Variants in RBM25 observed in about 807,000 individuals in gnomAD.
RBM25 encodes the protein RNA binding motif protein 25, also known as RNA-binding protein 25.
RBM25 carries 19 observed loss-of-function variants against 120.7 expected under a neutral mutation model. That is an observed-to-expected ratio of 0.16 (90% CI 0.11 to 0.23). The LOEUF is 0.23. RBM25 is among the 10% of genes least tolerant of loss of function. The pLI is 1.00. For missense variants in RBM25, 605 were observed against 1,041.5 expected, an observed-to-expected ratio of 0.58 and a Z score of 5.77; for synonymous variants, 390 against 326.7, an observed-to-expected ratio of 1.19 and a Z score of -2.09.
chr14:73,088,944 C>T (rs139547597), intron 6 of RBM25, among the ~76,000 whole-genome samples: 3,452 of 152,232 alleles, frequency 0.023, 135 homozygotes, highest in African/African-American at 0.076. Flanking sequence ...AGTTCGAGAC[C>T]AGCCTGGCCA....
At chr14:73,075,700 C>T (rs1435192857) in intron 2 of RBM25, among the ~76,000 whole-genome samples, 2 of 152,080 alleles carry the variant, frequency 1.3e-5, no homozygotes, top group African/African-American at 4.8e-5. Flanking sequence ...GTTGTGAGAA[C>T]ACCCTAGATT....
intron 14 of RBM25, among the ~76,000 whole-genome samples, chr14:73,109,768 G>A (rs981746880): frequency 1.3e-5 from 2 of 152,130 alleles, no homozygotes; most frequent in African/African-American, 4.8e-5. Context: ...ACTCCAGCCT[G>A]GGCGACAGAG....
intron 6 of RBM25, among the ~76,000 whole-genome samples, chr14:73,096,169 G>A (rs1249237469): frequency 2.0e-5 from 3 of 152,064 alleles, no homozygotes; most frequent in East Asian, 1.9e-4. Context: ...GTAGAGTGGG[G>A]TTTCACCATG....
intron 1 of RBM25, among the ~76,000 whole-genome samples, chr14:73,070,945 C>CAAAAAA (rs377148981): frequency 1.5e-4 from 19 of 123,998 alleles, no homozygotes; most frequent in African/African-American, 5.6e-4. Context: ...GACTCCATCT[C>CAAAAAA]AAAAAAAAAA....
chr14:73,061,467 C>T (rs1293146501), intron 1 of RBM25, among the ~76,000 whole-genome samples: 1 of 151,404 alleles, frequency 6.6e-6, no homozygotes. Context: ...GCATCCATTA[C>T]CCCAAAAGGA....
At chr14:73,066,566 G>T (rs868633447) in intron 1 of RBM25, among the ~76,000 whole-genome samples, 3 of 150,448 alleles carry the variant, frequency 2.0e-5, no homozygotes, top group Admixed American at 6.7e-5. Context: ...CAGGAGAATC[G>T]CTTGAACCCG....
At chr14:73,082,176 A>G (rs1187805577) in intron 4 of RBM25, among the ~76,000 whole-genome samples, 1 of 152,118 alleles carries the variant, frequency 6.6e-6, no homozygotes, top group African/African-American at 2.4e-5. Context: ...CCAGACTTAC[A>G]TTGAAATATT....
At chr14:73,085,863 A>C (rs1164392425) in intron 5 of RBM25, among the ~76,000 whole-genome samples, 1 of 152,146 alleles carries the variant, frequency 6.6e-6, no homozygotes, top group Admixed American at 6.6e-5. Flanking sequence ...TTTCTTTTGA[A>C]TTATTGTGAA....
intron 9 of RBM25, chr14:73,099,992 A>G: frequency 1.9e-6 from 1 of 512,842 alleles, no homozygotes; most frequent in East Asian, 3.5e-5. Flanking sequence ...TAATATGAAT[A>G]GAAGCTAATT....
At chr14:73,097,211 T>TTTG in intron 7 of RBM25, 111 bp downstream of exon 7, 1 of 786,658 alleles carries the variant, frequency 1.3e-6, no homozygotes, top group Non-Finnish European at 1.7e-6. Context: ...TTTTTTTTTT[T>TTTG]TTTTTTTGAG....
At chr14:73,112,371 G>T in intron 17 of RBM25, 121 bp downstream of exon 17, 1 of 913,038 alleles carries the variant, frequency 1.1e-6, no homozygotes, top group East Asian at 3.3e-5. Context: ...TCAGTTAAGT[G>T]ATTTATATCT....
chr14:73,084,448 C>T (rs138482228), intron 5 of RBM25, among the ~76,000 whole-genome samples: 88 of 152,344 alleles, frequency 5.8e-4, no homozygotes, highest in African/African-American at 2.1e-3. Flanking sequence ...TTGCTGAATG[C>T]AGCTCCAGTA....
At chr14:73,059,950 T>G (rs893873725) in intron 1 of RBM25, among the ~76,000 whole-genome samples, 3 of 152,210 alleles carry the variant, frequency 2.0e-5, no homozygotes, top group African/African-American at 7.2e-5. Context: ...CACATAAGCA[T>G]TTAAATCTAT....
rs1896552675 is a variant in RBM25, at chr14:73,122,324, G to A, written c.*2519G>A. The A allele has an allele frequency of 6.6e-6, 1 of 150,860 alleles. No individual in the cohort carries two copies. 9.3% of individuals were successfully genotyped at this position (150,860 alleles called of 1,614,324 possible). On this transcript the variant is annotated 3_prime_UTR_variant, in exon 19 of 19. Coordinates refer to ENST00000261973, the MANE Select transcript of RBM25 (RefSeq NM_021239.3). ...AAGTTGTGCTTTTGTCGCCCAGGAT[G>A]GAGTGCAATGGCGCGAGCTCAGCTC...
At chr14:73,075,243 C>T (rs912958252) in intron 2 of RBM25, among the ~76,000 whole-genome samples, 2 of 151,176 alleles carry the variant, frequency 1.3e-5, no homozygotes, top group Non-Finnish European at 3.0e-5. Flanking sequence ...CTCACTGCAA[C>T]CTCTGCCTCC....
chr14:73,084,058 C>T (rs909312589), intron 5 of RBM25, among the ~76,000 whole-genome samples: 17 of 151,802 alleles, frequency 1.1e-4, no homozygotes, highest in South Asian at 2.1e-4. Flanking sequence ...CCACCATGCC[C>T]GGCTAATTTT....
chr14:73,064,957 T>G (rs912353086), intron 1 of RBM25: 4 of 150,012 alleles, frequency 2.7e-5, no homozygotes, highest in African/African-American at 9.8e-5. Flanking sequence ...AGTTTTACTT[T>G]TTTTTTTTTT....
chr14:73,104,262 A>C (rs1466105011), intron 10 of RBM25, among the ~76,000 whole-genome samples: 1 of 151,934 alleles, frequency 6.6e-6, no homozygotes, highest in East Asian at 1.9e-4. Context: ...GCACTGCCAT[A>C]GCTTAATCTT....
At chr14:73,073,126 A>G (rs1036042273) in intron 2 of RBM25, among the ~76,000 whole-genome samples, 1 of 152,086 alleles carries the variant, frequency 6.6e-6, no homozygotes, top group Non-Finnish European at 1.5e-5. Flanking sequence ...TGGGGGTCTC[A>G]CCATCTTGTC....
Sources: gnomAD v4.1 joint callset for allele counts (sites outside exome capture counted in the v4.1 genomes callset) on GRCh38, gnomAD v4.1.1 for gene constraint, MANE v1.5 for transcripts, NCBI Gene and HGNC (gene_info 2026-07-23, HGNC 2026-07-21) for gene names.